The following EIF3A variants were observed in gnomAD, a reference collection of about 807,000 sequenced individuals.
The protein encoded by EIF3A is eukaryotic translation initiation factor 3 subunit A.
In EIF3A, 21 loss-of-function variants were observed where a neutral mutation model predicts 186.6. That is an observed-to-expected ratio of 0.11 (90% CI 0.08 to 0.16). The LOEUF is 0.16. Ranked by LOEUF, EIF3A falls within the 10% of genes least tolerant of loss-of-function variation. EIF3A has a pLI of 1.00. For missense variants in EIF3A, 1,306 were observed against 1,796.3 expected, an observed-to-expected ratio of 0.73 and a Z score of 4.93; for synonymous variants, 563 against 584.3, an observed-to-expected ratio of 0.96 and a Z score of 0.52.
At chr10:119,057,147 A>C in intron 12 of EIF3A, 107 bp from the exon 13 acceptor site, 1 of 646,766 alleles carries the variant, frequency 1.5e-6, no homozygotes, top group Non-Finnish European at 2.7e-6. Flanking sequence ...TATTGTTACA[A>C]TGGGTGATAA....
intron 7 of EIF3A, among the ~76,000 whole-genome samples, chr10:119,064,438 T>C (rs1165737157): frequency 8.5e-5 from 13 of 152,128 alleles, no homozygotes; most frequent in African/African-American, 2.7e-4. Context: ...CAATTTCTAA[T>C]GATTTAGCAC....
At chr10:119,046,666 A>T (rs1848286544) in intron 17 of EIF3A, among the ~76,000 whole-genome samples, 2 of 152,336 alleles carry the variant, frequency 1.3e-5, no homozygotes, top group South Asian at 2.1e-4. Context: ...ACTTAGGAAA[A>T]AATTAATGGT....
In EIF3A at chr10:119,042,153, C is replaced by T. The variant is rs746385539; in HGVS notation, c.3367G>A (p.Ala1123Thr). Reference protein sequence around the residue: ...LDDDRGPWRNADDDRIPRRGA... With the variant: ...LDDDRGPWRNTDDDRIPRRGA... ...CGCCTGGGAATTCTGTCATCATCGG[C>T]GTTCCTCCAAGGTCCTCGATCATCA... The change falls in exon 19 of 22, where the codon GCC (alanine) becomes ACC (threonine). Residue 1123 changes from alanine (A) to threonine (T), a missense_variant. Ala to Thr is a moderately conservative substitution (Grantham distance 58). Coordinates refer to ENST00000369144, the MANE Select transcript of EIF3A (RefSeq NM_003750.4). This position sits in a 1 kb window ranked among gnomAD's most constrained non-coding sequence, Gnocchi z 7.8. 10 of 1,614,060 alleles carry T rather than the reference C, an allele frequency of 6.2e-6. No homozygotes were observed. Among genetic ancestry groups the T allele is most frequent in the Non-Finnish European group, 7.6e-6 (9 of 1,180,004 alleles).
At chr10:119,080,059 A>C (rs1386082015) in intron 1 of EIF3A, among the ~76,000 whole-genome samples, 2 of 152,254 alleles carry the variant, frequency 1.3e-5, no homozygotes, top group Non-Finnish European at 2.9e-5. Context: ...GATATAAAGC[A>C]GCTGGGTAAA....
Position 119,073,583 on chromosome 10 carries a change from C to A in EIF3A, c.241-6G>T. The A allele has an allele frequency of 6.2e-7, 1 of 1,604,762 alleles. No homozygotes were observed. ...TCCAGAGATTTTATGTTCACCTAAT[C>A]CAAAAAAACAAAAACTCTTCAGAAC... is the stretch of plus-strand genomic sequence containing the variant. On this transcript the variant is annotated splice_region_variant and splice_polypyrimidine_tract_variant and intron_variant, in intron 2 of 21. Coordinates refer to ENST00000369144, the MANE Select transcript of EIF3A (RefSeq NM_003750.4).
Position 119,037,067 on chromosome 10 carries a change from C to G in EIF3A, c.3919+52G>C, listed in dbSNP as rs571748413. The G allele has an allele frequency of 6.2e-5, 51 of 819,476 alleles. 7 individuals carry two copies. The highest frequency in any genetic ancestry group is 8.0e-5 in the Non-Finnish European group (45 of 564,358). The allele number at this position is 819,476 out of a possible 1,614,324, so 50.8% of individuals were successfully genotyped here. A position where few individuals can be genotyped will look rare whatever the true frequency, so the allele number is the denominator to read the frequency against. On this transcript the variant is annotated intron_variant, in intron 21 of 21. Transcript: ENST00000369144. Reference sequence around the variant, plus strand: ...ATAATTAAATAACCCAAATCCCCCCCCCCCCAGAAACGACAGTTCTCCAAT... The same window carrying G: ...ATAATTAAATAACCCAAATCCCCCCGCCCCCAGAAACGACAGTTCTCCAAT...
intron 5 of EIF3A, 84 bp from the exon 6 acceptor site, chr10:119,069,738 C>T (rs1047537202): frequency 1.4e-6 from 1 of 730,802 alleles, no homozygotes. Context: ...ACCTACAACA[C>T]AGAAAACATA....
intron 20 of EIF3A, 141 bp from the exon 21 acceptor site, chr10:119,037,450 CTGGGGCG>C: frequency 1.4e-6 from 1 of 704,440 alleles, no homozygotes; most frequent in Non-Finnish European, 2.3e-6. Flanking sequence ...TACCTGATGC[CTGGGGCG>C]TGGAGAACAA....
intron 15 of EIF3A, among the ~76,000 whole-genome samples, chr10:119,050,902 T>A (rs1416733022): frequency 1.3e-5 from 2 of 152,200 alleles, no homozygotes; most frequent in African/African-American, 4.8e-5. Context: ...TTTGTCTTTA[T>A]ACAAAATAAT....
chr10:119,057,769 C>CGT (rs1843812767), intron 12 of EIF3A, among the ~76,000 whole-genome samples, 187 bp downstream of exon 12: 1 of 151,910 alleles, frequency 6.6e-6, no homozygotes, highest in Admixed American at 6.6e-5. Context: ...GATAATACTC[C>CGT]GTCTCAAAAA....
At chr10:119,061,025 G>T in intron 8 of EIF3A, 181 bp from the exon 9 acceptor site, 1 of 576,026 alleles carries the variant, frequency 1.7e-6, no homozygotes, top group Non-Finnish European at 3.0e-6. Flanking sequence ...AATTAGTCAT[G>T]CTGCTAATTA....
intron 18 of EIF3A, 71 bp downstream of exon 18, chr10:119,043,983 C>T (rs1299818988): frequency 8.6e-7 from 1 of 1,163,784 alleles, no homozygotes. Context: ...ACAAAATGAA[C>T]CAAATTTTAA....
intron 14 of EIF3A, 56 bp from the exon 15 acceptor site, chr10:119,051,377 C>G: frequency 6.7e-7 from 1 of 1,482,926 alleles, no homozygotes. Flanking sequence ...CTCATTAACC[C>G]CAAATTACTG....
chr10:119,056,268 A>G (rs925458504), intron 14 of EIF3A, among the ~76,000 whole-genome samples: 3 of 152,242 alleles, frequency 2.0e-5, no homozygotes, highest in Non-Finnish European at 2.9e-5. Context: ...AACACAGTAC[A>G]CAATTCCATT....
Position 119,034,587 on chromosome 10 carries a change from A to C in EIF3A, c.*1452T>G, listed in dbSNP as rs1312740943. The C allele has an allele frequency of 6.6e-6, 1 of 152,226 alleles. No homozygotes were observed. Among genetic ancestry groups the C allele is most frequent in the Non-Finnish European group, 1.5e-5 (1 of 68,046 alleles). 9.4% of individuals were successfully genotyped at this position (152,226 alleles called of 1,614,324 possible). ...TAAAATGATTTCTATCATTGGTAAC[A>C]TCAAACAAAAATAGCTGCATCTGGT... On this transcript the variant is annotated 3_prime_UTR_variant, in exon 22 of 22. Transcript: ENST00000369144.
chr10:119,058,455 G>A (rs527772590), intron 11 of EIF3A, 152 bp from the exon 12 acceptor site: 18 of 643,734 alleles, frequency 2.8e-5, no homozygotes, highest in South Asian at 4.0e-5. Context: ...GTTTGTTTTC[G>A]GTATTAAATG....
chr10:119,063,862 C>A (rs1589692839), intron 7 of EIF3A, among the ~76,000 whole-genome samples: 1 of 152,314 alleles, frequency 6.6e-6, no homozygotes, highest in Middle Eastern at 3.4e-3. Flanking sequence ...GGGGATCGTT[C>A]ACTTGAGGCC....
At chr10:119,072,724 G>A (rs1844098661) in intron 4 of EIF3A, among the ~76,000 whole-genome samples, 166 bp downstream of exon 4, 1 of 152,096 alleles carries the variant, frequency 6.6e-6, no homozygotes, top group South Asian at 2.1e-4. Flanking sequence ...CAAAGTGCTG[G>A]GATTACAGGT....
chr10:119,053,130 AC>A (rs1177295372), intron 14 of EIF3A, among the ~76,000 whole-genome samples: 1 of 152,200 alleles, frequency 6.6e-6, no homozygotes, highest in African/African-American at 2.4e-5. Flanking sequence ...GTAGGTCTCA[AC>A]AGGGGGCTTA....
Sources: gnomAD v4.1 joint callset for allele counts (sites outside exome capture counted in the v4.1 genomes callset) on GRCh38, gnomAD v4.1.1 for gene constraint, Gnocchi (gnomAD v3.1) non-coding constraint, MANE v1.5 for transcripts, NCBI Gene and HGNC (gene_info 2026-07-23, HGNC 2026-07-21) for gene names.